The following HCN2 variants were observed in gnomAD, a reference collection of about 807,000 sequenced individuals.
HCN2 encodes the protein potassium/sodium hyperpolarization-activated cyclic nucleotide-gated channel 2.
HCN2 carries 20 observed loss-of-function variants against 52.3 expected under a neutral mutation model. The observed-to-expected ratio is 0.38, with a 90% confidence interval of 0.27 to 0.56. The LOEUF is 0.56. Ranked by LOEUF, HCN2 falls within the 20% of genes least tolerant of loss-of-function variation. HCN2 has a pLI of 0.71. For missense variants in HCN2, 981 were observed against 1,207.7 expected (o/e 0.81, Z 2.78); for synonymous variants, 694 against 537.0 (o/e 1.29, Z -4.04).
Position 603,677 on chromosome 19 carries a change from C to T in HCN2, c.766C>T (p.Leu256Phe). ...VFNVVSDTFF[L>F]MDLVLNFRTG... The stretch of plus-strand genomic sequence containing the variant: ...CAACGTGGTCTCGGACACCTTCTTC[C>T]TCATGGACCTGGTGTTGAACTTCCG... Residue 256 changes from leucine (L) to phenylalanine (F), a missense_variant, in exon 2 of 8, where the codon CTC (leucine) becomes TTC (phenylalanine). Physicochemically the swap from Leu to Phe is conservative, Grantham distance 22. This residue lies in a region of HCN2 where 282 missense variants were observed against 553.8 expected (regional missense o/e 0.51). Transcript: ENST00000251287. 1 of 1,612,808 alleles carries T rather than the reference C, an allele frequency of 6.2e-7. No homozygotes were observed. The highest frequency in any genetic ancestry group is 8.5e-7 in the Non-Finnish European group (1 of 1,179,762).
intron 1 of HCN2, among the ~76,000 whole-genome samples, chr19:593,123 C>T (rs1046710980): frequency 2.0e-5 from 3 of 152,260 alleles, no homozygotes; most frequent in Non-Finnish European, 4.4e-5. Flanking sequence ...GGTTCTTCCT[C>T]GCTGCCCAGC....
At chr19:596,510 G>A (rs551559922) in intron 1 of HCN2, among the ~76,000 whole-genome samples, 27 of 152,338 alleles carry the variant, frequency 1.8e-4, no homozygotes, top group East Asian at 1.4e-3. Flanking sequence ...CAGGACCCCC[G>A]CGTTTCCGAG....
intron 1 of HCN2, among the ~76,000 whole-genome samples, chr19:601,037 G>A (rs1256906326): frequency 6.6e-6 from 1 of 152,128 alleles, no homozygotes; most frequent in African/African-American, 2.4e-5. Context: ...TCACACGGCC[G>A]GGCGCAGTGG....
At position 606,793 on chromosome 19, in the gene HCN2, G is replaced by T. The variant is rs1055183262; in HGVS notation, c.1219-1171G>T. 2.6e-5 allele frequency among the ~76,000 whole-genome samples: 4 copies of T among 151,258 alleles called. No homozygotes were observed. The East Asian group carries it at 7.9e-4, about 30-fold the overall frequency. On this transcript the variant is annotated intron_variant, in intron 3 of 7. Transcript: ENST00000251287. ...CTTGAACCCGGGAGCAGAGGTTGCA[G>T]CGAGCTGAGATCACACCATTGCACT...
chr19:604,550 G>C (rs1384374265), intron 2 of HCN2, among the ~76,000 whole-genome samples: 1 of 130,212 alleles, frequency 7.7e-6, no homozygotes, highest in East Asian at 2.3e-4. Flanking sequence ...CGGGGTCAAG[G>C]CATCAGGGGC....
At chr19:599,478 G>A (rs926891441) in intron 1 of HCN2, among the ~76,000 whole-genome samples, 2 of 152,112 alleles carry the variant, frequency 1.3e-5, no homozygotes, top group African/African-American at 4.8e-5. Context: ...GCCTGGGGTG[G>A]GGATAAGGCC....
At chr19:615,477 G>A (rs1487300303) in intron 7 of HCN2, among the ~76,000 whole-genome samples, 6 of 152,196 alleles carry the variant, frequency 3.9e-5, no homozygotes, top group South Asian at 2.1e-4. Flanking sequence ...TCGCGCCACT[G>A]CACTCCAGCC....
rs1185960161 is a variant in HCN2, at chr19:606,518, A to G, written c.1218+1296A>G. Among the ~76,000 whole-genome samples, 4 of 152,032 alleles carry G rather than the reference A, an allele frequency of 2.6e-5. No individual in the cohort carries two copies. In the East Asian group the frequency reaches 7.8e-4, roughly 30 times the overall value. ...TCTAACAACTAAAGAAAAATTTACA[A>G]CATGGCCCTGAATTGGGAAAGTGGT... On this transcript the variant is annotated intron_variant, in intron 3 of 7. Coordinates refer to ENST00000251287, the MANE Select transcript of HCN2 (RefSeq NM_001194.4).
chr19:604,556 G>A (rs1176145752), intron 2 of HCN2, among the ~76,000 whole-genome samples: 4 of 147,358 alleles, frequency 2.7e-5, no homozygotes, highest in Non-Finnish European at 4.5e-5. Flanking sequence ...CAAGGCATCA[G>A]GGGCGGGGCT....
intron 3 of HCN2, among the ~76,000 whole-genome samples, chr19:607,569 G>A (rs976099591): frequency 8.5e-5 from 13 of 152,298 alleles, no homozygotes; most frequent in Non-Finnish European, 1.3e-4. Context: ...GACTTGGTGC[G>A]GCAGGACCTC....
intron 7 of HCN2, among the ~76,000 whole-genome samples, chr19:614,800 C>G (rs995611592): frequency 6.6e-6 from 1 of 152,036 alleles, no homozygotes; most frequent in Non-Finnish European, 1.5e-5. Context: ...GAGACGGTGA[C>G]CTGGCCTCTC....
chr19:590,719 C>T lies in HCN2; in HGVS notation c.632+142C>T, dbSNP rs1982844380. On this transcript the variant is annotated intron_variant, in intron 1 of 7. Coordinates refer to ENST00000251287, the MANE Select transcript of HCN2 (RefSeq NM_001194.4). The surrounding 1 kb of genome is among the most constrained non-coding windows in gnomAD (Gnocchi z 7.2). The stretch of plus-strand genomic sequence containing the variant: ...GGCTCCTCGGTGACCTCGGGCGTGT[C>T]CGGGACCCGCCCCGGAGTGACCCCG... 4 of 547,544 alleles carry T rather than the reference C, an allele frequency of 7.3e-6. No homozygotes were observed. Among genetic ancestry groups the T allele is most frequent in the South Asian group, 1.8e-4 (2 of 11,382 alleles). 33.9% of individuals were successfully genotyped at this position (547,544 alleles called of 1,614,324 possible). A position where few individuals can be genotyped will look rare whatever the true frequency, so the allele number is the denominator to read the frequency against.
chr19:590,044 G>A lies in HCN2; in HGVS notation c.99G>A (p.Gln33=). 2 of 610,788 alleles carry A rather than the reference G, an allele frequency of 3.3e-6. No individual in the cohort carries two copies. Among genetic ancestry groups the A allele is most frequent in the South Asian group, 7.5e-5 (1 of 13,332 alleles). The allele number at this position is 610,788 out of a possible 1,614,324, so 37.8% of individuals were successfully genotyped here. ...CGCCGCCGCCCGCGCCCCCCCAACAGCAGCCGCCGCCGCCGCCGCCGCCCG... is the reference window on the plus strand; with the variant it reads ...CGCCGCCGCCCGCGCCCCCCCAACAACAGCCGCCGCCGCCGCCGCCGCCCG... The part of the protein sequence containing the change: ...PPPPPPAPPQ[Q]QPPPPPPPAP... The change falls in exon 1 of 8, where the codon CAG becomes CAA. Residue 33 remains glutamine, a synonymous_variant. Coordinates refer to ENST00000251287, the MANE Select transcript of HCN2 (RefSeq NM_001194.4). This position sits in a 1 kb window ranked among gnomAD's most constrained non-coding sequence, Gnocchi z 7.2.
At chr19:608,410 G>C (rs1311305041) in intron 4 of HCN2, among the ~76,000 whole-genome samples, 1 of 152,232 alleles carries the variant, frequency 6.6e-6, no homozygotes, top group Admixed American at 6.5e-5. Context: ...TGAGGGGAGA[G>C]GCAGTCTCAG....
chr19:597,858 G>A (rs893198282), intron 1 of HCN2, among the ~76,000 whole-genome samples: 2 of 151,922 alleles, frequency 1.3e-5, no homozygotes, highest in Admixed American at 6.5e-5. Context: ...GGTCTCCTTG[G>A]CGGTTTCTAG....
chr19:615,843 C>T lies in HCN2; in HGVS notation c.2039C>T (p.Ser680Leu). The change falls in exon 8 of 8, where the codon TCG (serine) becomes TTG (leucine). Residue 680 changes from serine to leucine, a missense_variant. Physicochemically the swap from Ser to Leu is moderately radical, Grantham distance 145. Transcript: ENST00000251287. ...CACAAGGTGCAGCATGACCTCAACTCGGGCGTATTCAACAACCAGGAGAAC... is the reference window on the plus strand; with the variant it reads ...CACAAGGTGCAGCATGACCTCAACTTGGGCGTATTCAACAACCAGGAGAAC... ...LLHKVQHDLN[S>L]GVFNNQENAI... 4 of 1,612,826 alleles carry T rather than the reference C, an allele frequency of 2.5e-6. No homozygotes were observed. Among genetic ancestry groups the T allele is most frequent in the East Asian group, 2.2e-5 (1 of 44,846 alleles).
chr19:601,544 C>A (rs960503866), intron 1 of HCN2, among the ~76,000 whole-genome samples: 1 of 151,982 alleles, frequency 6.6e-6, no homozygotes, highest in South Asian at 2.1e-4. Context: ...CGTCCGCAGT[C>A]GAGCTGGTGT....
intron 1 of HCN2, among the ~76,000 whole-genome samples, chr19:594,739 T>C (rs538090600): frequency 6.6e-6 from 1 of 152,234 alleles, no homozygotes; most frequent in East Asian, 1.9e-4. Flanking sequence ...TTTGTCTGGC[T>C]CTGGTCACGG....
Position 589,919 on chromosome 19 carries a change from C to T in HCN2, c.-27C>T. On this transcript the variant is annotated 5_prime_UTR_variant, in exon 1 of 8. Transcript: ENST00000251287. ...GCCGGCGGCGGCGGCGGCGGCTCCG[C>T]TCCGCACTGCCCGGCGCCGCCTCGC... The T allele has an allele frequency of 1.1e-6, 1 of 908,228 alleles. No homozygotes were observed. Among genetic ancestry groups the T allele is most frequent in the Non-Finnish European group, 1.3e-6 (1 of 771,850 alleles). 56.3% of individuals were successfully genotyped at this position (908,228 alleles called of 1,614,324 possible).
Sources: gnomAD v4.1 joint callset for allele counts (sites outside exome capture counted in the v4.1 genomes callset) on GRCh38, gnomAD v4.1.1 for gene constraint, gnomAD v4.1.1 regional missense constraint, Gnocchi (gnomAD v3.1) non-coding constraint, MANE v1.5 for transcripts, NCBI Gene and HGNC (gene_info 2026-07-23, HGNC 2026-07-21) for gene names.